Variants in VPS13D observed in about 807,000 individuals in gnomAD.
VPS13D encodes vacuolar protein sorting 13 homolog D.
In VPS13D, 187 loss-of-function variants were observed where a neutral mutation model predicts 461.9. The ratio of observed to expected loss-of-function variants is 0.40; its 90% CI spans 0.36 to 0.46. The LOEUF (loss-of-function observed/expected upper bound fraction) is 0.46, where lower values mean the gene tolerates loss of function less well. Among genes scored for constraint, VPS13D ranks in the 20% least tolerant of loss-of-function variants. The pLI is 0.60. For synonymous variants in VPS13D, 1,951 were observed against 1,986.3 expected (o/e 0.98, Z 0.47); for missense variants, 4,711 against 5,364.9 (o/e 0.88, Z 3.81).
At chr1:12,356,611 G>C in intron 49 of VPS13D, 87 bp downstream of exon 49, 1 of 1,505,682 alleles carries the variant, frequency 6.6e-7, no homozygotes, top group Admixed American at 2.1e-5. Flanking sequence ...CGTGTAAGTA[G>C]AAATATACTG....
At chr1:12,481,330 T>A (rs1039662995) in intron 67 of VPS13D, among the ~76,000 whole-genome samples, 6 of 152,100 alleles carry the variant, frequency 3.9e-5, no homozygotes, top group African/African-American at 9.7e-5. Flanking sequence ...ACCAGATGGG[T>A]CTTTCCCCTC....
At chr1:12,243,209 C>T (rs1006619423) in intron 3 of VPS13D, among the ~76,000 whole-genome samples, 2 of 152,118 alleles carry the variant, frequency 1.3e-5, no homozygotes, top group Admixed American at 6.6e-5. Context: ...CCTGTCTCGG[C>T]CTCCCAAAGT....
At chr1:12,471,260 C>T (rs1248771159) in intron 67 of VPS13D, among the ~76,000 whole-genome samples, 4 of 152,138 alleles carry the variant, frequency 2.6e-5, no homozygotes, top group Non-Finnish European at 5.9e-5. Context: ...GAAATCATGC[C>T]ACTGCACTCC....
At chr1:12,324,020 T>TG (rs1424530248) in intron 35 of VPS13D, among the ~76,000 whole-genome samples, 3 of 152,266 alleles carry the variant, frequency 2.0e-5, no homozygotes, top group African/African-American at 7.2e-5. Context: ...GCCATTCTTC[T>TG]GCCTCAGCCT....
At chr1:12,356,841 C>T (rs958808934) in intron 49 of VPS13D, among the ~76,000 whole-genome samples, 1 of 152,216 alleles carries the variant, frequency 6.6e-6, no homozygotes, top group African/African-American at 2.4e-5. Flanking sequence ...AGTTTTTCTT[C>T]CCCTGTAAAC....
In VPS13D at chr1:12,302,778, A is replaced by AT. The variant is rs1482544536; in HGVS notation, c.6217-1726dup. On this transcript the variant is annotated intron_variant, in intron 25 of 69. Transcript: ENST00000620676. The stretch of plus-strand genomic sequence containing the variant: ...TTAACTTTTTTTTTTAAGTGTTTGA[A>AT]TTACTTTCATACTATGTAAAGATGT... Among the ~76,000 whole-genome samples the AT allele has an allele frequency of 3.3e-5, 5 of 151,698 alleles. No individual in the cohort carries two copies. The South Asian group carries it at 8.3e-4, about 25-fold the overall frequency.
chr1:12,323,339 G>T (rs895483481), intron 34 of VPS13D, among the ~76,000 whole-genome samples: 1 of 151,992 alleles, frequency 6.6e-6, no homozygotes, highest in Non-Finnish European at 1.5e-5. Flanking sequence ...GCCTCCCAAA[G>T]TATTGGGATT....
chr1:12,267,350 A>G (rs1425898751), intron 14 of VPS13D, among the ~76,000 whole-genome samples: 6 of 152,118 alleles, frequency 3.9e-5, no homozygotes, highest in Non-Finnish European at 8.8e-5. Context: ...ACTGACATGA[A>G]ATCTCGTCTC....
Position 12,242,609 on chromosome 1 carries a change from G to A in VPS13D, c.175+19G>A. The A allele has an allele frequency of 6.2e-7, 1 of 1,608,664 alleles. No homozygotes were observed. The highest frequency in any genetic ancestry group is 8.5e-7 in the Non-Finnish European group (1 of 1,175,388). ...AAAGCTGGTATGTGGAACTAAAGGA[G>A]GGGGAAGAAATTTGAGTCTTAAATT... On this transcript the variant is annotated intron_variant, in intron 3 of 69. Transcript: ENST00000620676.
intron 65 of VPS13D, among the ~76,000 whole-genome samples, chr1:12,448,004 TGG>T (rs1037024453): frequency 3.3e-5 from 5 of 152,164 alleles, no homozygotes; most frequent in African/African-American, 1.2e-4. Context: ...GAGCACTCAT[TGG>T]AAGAAAGGAT....
intron 26 of VPS13D, among the ~76,000 whole-genome samples, chr1:12,306,288 A>G (rs746724631): frequency 1.3e-5 from 2 of 152,214 alleles, no homozygotes; most frequent in Non-Finnish European, 2.9e-5. Flanking sequence ...GACCTGCCCA[A>G]GGTTATGAGG....
intron 69 of VPS13D, 24 bp from the exon 70 acceptor site, chr1:12,508,869 G>A (rs529508773): frequency 2.2e-5 from 35 of 1,610,578 alleles, no homozygotes; most frequent in Non-Finnish European, 3.0e-5. Flanking sequence ...GGGGACAGGT[G>A]ACCCATCCTG....
At position 12,476,812 on chromosome 1, in the gene VPS13D, C is replaced by G. The variant is rs141208356; in HGVS notation, c.12662+16416C>G. ...CCTCCTCTCTACCCTGCCTCCACCA[C>G]CAAAAGGGGCTTTAAATTAAGATTC... On this transcript the variant is annotated intron_variant, in intron 67 of 69. Transcript: ENST00000620676. 3.5e-3 allele frequency among the ~76,000 whole-genome samples: 534 copies of G among 152,324 alleles called. 4 individuals carry two copies. Among genetic ancestry groups the G allele is most frequent in the African/African-American group, 0.012 (507 of 41,566 alleles).
chr1:12,443,200 TCTGC>T (rs1645150891), intron 65 of VPS13D, among the ~76,000 whole-genome samples: 1 of 152,270 alleles, frequency 6.6e-6, no homozygotes, highest in Non-Finnish European at 1.5e-5. Context: ...TATTTTTAAT[TCTGC>T]CTGTTTTTAA....
chr1:12,329,875 C>T lies in VPS13D; in HGVS notation c.8244C>T (p.Ala2748=), dbSNP rs755051537. The T allele has an allele frequency of 5.0e-6, 8 of 1,613,942 alleles. No homozygotes were observed. The highest frequency in any genetic ancestry group is 1.3e-5 in the African/African-American group (1 of 74,908). The change falls in exon 37 of 70, where the codon GCC becomes GCT. Residue 2748 remains alanine, a synonymous_variant. Coordinates refer to ENST00000620676, the MANE Select transcript of VPS13D (RefSeq NM_015378.4). ...TAAGAACTAGCCCTGAAGGCTATGC[C>T]CACTTCACCCTTTCTGGAGATTATT... The part of the protein sequence containing the change: ...QRVRTSPEGY[A]HFTLSGDYYN...
chr1:12,503,309 C>T (rs1646059248), intron 68 of VPS13D, among the ~76,000 whole-genome samples: 1 of 152,088 alleles, frequency 6.6e-6, no homozygotes, highest in African/African-American at 2.4e-5. Flanking sequence ...TATCCTCTTT[C>T]TCTCCTTAAA....
chr1:12,294,848 C>A (rs1642230916), intron 24 of VPS13D, among the ~76,000 whole-genome samples: 1 of 152,104 alleles, frequency 6.6e-6, no homozygotes. Flanking sequence ...CCTTTGCCAC[C>A]CTGTGGTGTC....
At chr1:12,392,647 C>G (rs2101666336) in intron 60 of VPS13D, among the ~76,000 whole-genome samples, 1 of 152,002 alleles carries the variant, frequency 6.6e-6, no homozygotes, top group African/African-American at 2.4e-5. Flanking sequence ...TCCACCAAAG[C>G]CCAGTAACAG....
intron 22 of VPS13D, among the ~76,000 whole-genome samples, chr1:12,290,410 A>G (rs1642091661): frequency 6.6e-6 from 1 of 152,138 alleles, no homozygotes; most frequent in African/African-American, 2.4e-5. Flanking sequence ...GTCTGTATTT[A>G]TAAAGGTTTT....
Sources: allele counts gnomAD v4.1 joint callset (sites outside exome capture counted in the v4.1 genomes callset), GRCh38; gene constraint gnomAD v4.1.1; transcripts MANE v1.5; gene names NCBI Gene and HGNC (gene_info 2026-07-23, HGNC 2026-07-21).